The following NWD2 variants were observed in gnomAD, a reference collection of about 807,000 sequenced individuals.
NWD2 encodes NACHT and WD repeat domain-containing protein 2.
A neutral mutation model predicts 132.7 loss-of-function variants in NWD2; 37 were observed. That is an observed-to-expected ratio of 0.28 (90% CI 0.21 to 0.37). The LOEUF is 0.37. NWD2 is among the 10% of genes least tolerant of loss of function. The pLI is 1.00. For missense variants in NWD2, 1,592 were observed against 2,122.4 expected (o/e 0.75, Z 4.91); for synonymous variants, 705 against 803.0 (o/e 0.88, Z 2.06).
intron 3 of NWD2, among the ~76,000 whole-genome samples, chr4:37,364,497 C>T (rs528703330): frequency 4.8e-4 from 73 of 152,250 alleles, no homozygotes; most frequent in African/African-American, 1.7e-3. Flanking sequence ...AGTAGTATGC[C>T]TTGTCAACTC....
chr4:37,420,118 C>T (rs1488951733), intron 3 of NWD2, among the ~76,000 whole-genome samples: 2 of 152,088 alleles, frequency 1.3e-5, no homozygotes, highest in South Asian at 2.1e-4. Context: ...ATAGGGTGAG[C>T]GTTATTATTT....
intron 3 of NWD2, among the ~76,000 whole-genome samples, chr4:37,370,018 G>T (rs1720183220): frequency 6.6e-6 from 1 of 152,160 alleles, no homozygotes; most frequent in African/African-American, 2.4e-5. Context: ...CATCTGTGCG[G>T]GATGTGCAGA....
intron 3 of NWD2, among the ~76,000 whole-genome samples, chr4:37,411,642 G>A (rs944484305): frequency 4.9e-4 from 75 of 152,256 alleles, no homozygotes; most frequent in African/African-American, 1.7e-3. Context: ...TATGAGGCCA[G>A]CATCACCCTT....
At chr4:37,362,039 G>A (rs569840849) in intron 3 of NWD2, among the ~76,000 whole-genome samples, 1 of 152,148 alleles carries the variant, frequency 6.6e-6, no homozygotes, top group East Asian at 1.9e-4. Flanking sequence ...CAAGCTGAAA[G>A]CCAAATCAAG....
intron 1 of NWD2, among the ~76,000 whole-genome samples, chr4:37,246,801 T>C (rs1717253266): frequency 1.3e-5 from 2 of 151,406 alleles, no homozygotes; most frequent in African/African-American, 4.8e-5. Context: ...AATCACTCTT[T>C]TTCTTTAAAC....
chr4:37,396,615 G>T (rs1486522973), intron 3 of NWD2, among the ~76,000 whole-genome samples: 1 of 152,206 alleles, frequency 6.6e-6, no homozygotes, highest in Non-Finnish European at 1.5e-5. Context: ...CACTGGAGAG[G>T]ATTCTATAAG....
intron 6 of NWD2, among the ~76,000 whole-genome samples, chr4:37,441,482 A>C (rs1228503235): frequency 1.3e-5 from 2 of 152,212 alleles, no homozygotes; most frequent in East Asian, 3.8e-4. Flanking sequence ...TGACTAAGTC[A>C]AAGGTTCATG....
intron 1 of NWD2, among the ~76,000 whole-genome samples, chr4:37,317,560 C>T (rs2109284044): frequency 6.6e-6 from 1 of 152,266 alleles, no homozygotes; most frequent in South Asian, 2.1e-4. Context: ...GGTGTGAAGT[C>T]TCAGTTAAGT....
rs1448189181 is a variant in NWD2, at chr4:37,449,093, G to C, written c.*1876G>C. 1 of 152,138 alleles carries C rather than the reference G, an allele frequency of 6.6e-6. No individual in the cohort carries two copies. Among genetic ancestry groups the C allele is most frequent in the Non-Finnish European group, 1.5e-5 (1 of 68,020 alleles). 9.4% of individuals were successfully genotyped at this position (152,138 alleles called of 1,614,324 possible). On this transcript the variant is annotated 3_prime_UTR_variant, in exon 7 of 7. Transcript: ENST00000309447. ...GTTGATTATATGAGTCTATGCTTTT[G>C]AGCTCTTTAGGCAACACATTCTCAT...
intron 1 of NWD2, among the ~76,000 whole-genome samples, chr4:37,288,884 A>G (rs1718299834): frequency 6.6e-6 from 1 of 152,212 alleles, no homozygotes; most frequent in Admixed American, 6.5e-5. Context: ...GGACATGATT[A>G]TACTGGATGA....
chr4:37,298,661 G>A (rs1434107495), intron 1 of NWD2, among the ~76,000 whole-genome samples: 1 of 152,104 alleles, frequency 6.6e-6, no homozygotes, highest in Non-Finnish European at 1.5e-5. Context: ...TATGGAAACA[G>A]AAAATCATTA....
At chr4:37,255,448 A>C (rs1200888062) in intron 1 of NWD2, among the ~76,000 whole-genome samples, 5 of 152,228 alleles carry the variant, frequency 3.3e-5, no homozygotes, top group Non-Finnish European at 5.9e-5. Flanking sequence ...AAGGGAAAGC[A>C]TCTGATACCA....
At chr4:37,292,360 G>A (rs937190222) in intron 1 of NWD2, among the ~76,000 whole-genome samples, 1 of 152,154 alleles carries the variant, frequency 6.6e-6, no homozygotes, top group Admixed American at 6.5e-5. Context: ...AAAGGTTGAA[G>A]GGACTGCTCT....
intron 1 of NWD2, among the ~76,000 whole-genome samples, chr4:37,280,007 A>G (rs1718095743): frequency 6.6e-6 from 1 of 152,210 alleles, no homozygotes; most frequent in African/African-American, 2.4e-5. Context: ...GAGCCAGAGA[A>G]AGCATGACAC....
chr4:37,326,170 C>A lies in NWD2; in HGVS notation c.240+146C>A. 6.9e-6 allele frequency: 4 copies of A among 579,510 alleles called. No homozygotes were observed. The South Asian group carries it at 9.1e-5, about 13-fold the overall frequency. 35.9% of individuals were successfully genotyped at this position (579,510 alleles called of 1,614,324 possible). A position where few individuals can be genotyped will look rare whatever the true frequency, so the allele number is the denominator to read the frequency against. On this transcript the variant is annotated intron_variant, in intron 2 of 6. Transcript: ENST00000309447. ...AAGCATGGGTAAAAAGAAACACTGA[C>A]AAATGGAAATAAAGTATTTCATCAT...
intron 1 of NWD2, among the ~76,000 whole-genome samples, chr4:37,315,067 T>G (rs1172873525): frequency 6.6e-6 from 1 of 152,166 alleles, no homozygotes; most frequent in Non-Finnish European, 1.5e-5. Context: ...AGAAGTATCT[T>G]ATTCAATTTC....
At position 37,433,927 on chromosome 4, in the gene NWD2, G is replaced by C. The variant is rs1712245514; in HGVS notation, c.613G>C (p.Asp205His). 1 of 1,549,522 alleles carries C rather than the reference G, an allele frequency of 6.5e-7. No homozygotes were observed. Among genetic ancestry groups the C allele is most frequent in the East Asian group, 2.4e-5 (1 of 40,884 alleles). ...CGAGAAGACATGGCAAGAGATATCA[G>C]ATGAGATCAAGAAGATATTTAAGGC... The part of the protein sequence containing the change: ...ENEKTWQEIS[D>H]EIKKIFKAAV... Residue 205 changes from aspartate (D) to histidine (H), a missense_variant, in exon 5 of 7, where the codon GAT (aspartate) becomes CAT (histidine). By Grantham distance (81) the Asp-to-His change is moderately conservative. Around this residue, in one of 7 missense-constraint regions of NWD2, gnomAD observed 144 missense variants for 185.7 expected, o/e 0.78. Transcript: ENST00000309447.
At chr4:37,434,154 T>C (rs1712252558) in intron 5 of NWD2, 134 bp downstream of exon 5, 1 of 549,908 alleles carries the variant, frequency 1.8e-6, no homozygotes, top group Non-Finnish European at 3.1e-6. Context: ...TGTTCCCATG[T>C]TCTGGAGAAG....
chr4:37,441,500 C>T (rs958040172), intron 6 of NWD2, among the ~76,000 whole-genome samples: 2 of 152,184 alleles, frequency 1.3e-5, no homozygotes, highest in African/African-American at 2.4e-5. Flanking sequence ...ATGTGATGCA[C>T]CTCCACATGC....
Sources: allele counts gnomAD v4.1 joint callset (sites outside exome capture counted in the v4.1 genomes callset), GRCh38; gene constraint gnomAD v4.1.1; regional missense constraint gnomAD v4.1.1; transcripts MANE v1.5; gene names NCBI Gene and HGNC (gene_info 2026-07-23, HGNC 2026-07-21).